PCDHGA1: variants seen among roughly 807,000 people sequenced by gnomAD.
PCDHGA1 encodes the protein protocadherin gamma subfamily A, 1, also known as protocadherin gamma-A1.
A neutral mutation model predicts 58.0 loss-of-function variants in PCDHGA1; 32 were observed. The ratio of observed to expected loss-of-function variants is 0.55; its 90% CI spans 0.42 to 0.74. The LOEUF (loss-of-function observed/expected upper bound fraction) is 0.74. PCDHGA1 is among the 30% of genes least tolerant of loss of function. The pLI is 0.00. For missense variants in PCDHGA1, 1,205 were observed against 1,182.3 expected (o/e 1.02, Z -0.28); for synonymous variants, 498 against 501.1 (o/e 0.99, Z 0.08).
At chr5:141,382,924 G>T (rs768027809) in intron 1 of PCDHGA1, 2 of 1,568,666 alleles carry the variant, frequency 1.3e-6, no homozygotes, top group Non-Finnish European at 1.7e-6. Flanking sequence ...GAGGGGCGGG[G>T]ACTACAGAGG....
In PCDHGA1 at chr5:141,477,101, G is replaced by A. The variant is rs770640663; in HGVS notation, c.2422-17706G>A. On this transcript the variant is annotated intron_variant, in intron 1 of 3. Transcript: ENST00000517417. The surrounding 1 kb of genome is among the most constrained non-coding windows in gnomAD (Gnocchi z 4.9). ...TTACATCCAGGCCAAAGACAAGGGC[G>A]CCAATCCCGAAGGAGCACATTGCAA... 2 of 1,614,262 alleles carry A rather than the reference G, an allele frequency of 1.2e-6. No individual in the cohort carries two copies. Among genetic ancestry groups the A allele is most frequent in the East Asian group, 2.2e-5 (1 of 44,884 alleles).
intron 1 of PCDHGA1, chr5:141,399,997 A>C (rs2093936203): frequency 6.2e-7 from 1 of 1,612,226 alleles, no homozygotes; most frequent in African/African-American, 1.3e-5. Context: ...AGAGGTGCGC[A>C]CAGCGCGTGC....
intron 1 of PCDHGA1, among the ~76,000 whole-genome samples, chr5:141,449,177 G>T (rs2098631167): frequency 6.6e-6 from 1 of 152,028 alleles, no homozygotes. Flanking sequence ...AATTTTCTTA[G>T]GTATTTTCAC....
Position 141,397,948 on chromosome 5 carries a change from C to T in PCDHGA1, c.2421+64843C>T, listed in dbSNP as rs139631080. The T allele has an allele frequency of 7.9e-4, 721 of 913,614 alleles. 6 individuals are homozygous for T. The African/African-American group carries it at 0.01, about 13-fold the overall frequency. The allele number at this position is 913,614 out of a possible 1,614,324, so 56.6% of individuals were successfully genotyped here. On this transcript the variant is annotated intron_variant, in intron 1 of 3. Coordinates refer to ENST00000517417, the MANE Select transcript of PCDHGA1 (RefSeq NM_018912.3). Reference sequence around the variant, plus strand: ...CGCAGCCGCAGCGCGCTTTCCAGGGCAGCCCCAGCTCAGACTCCCCAGCGC... The same window carrying T: ...CGCAGCCGCAGCGCGCTTTCCAGGGTAGCCCCAGCTCAGACTCCCCAGCGC...
chr5:141,372,349 A>G lies in PCDHGA1; in HGVS notation c.2421+39244A>G, dbSNP rs373267938. ...GTCACTGTGCGTGATGGAGGACAGCAGCCTCTTTCAGCCACCGTCATGCTG... is the reference window on the plus strand; with the variant it reads ...GTCACTGTGCGTGATGGAGGACAGCGGCCTCTTTCAGCCACCGTCATGCTG... On this transcript the variant is annotated intron_variant, in intron 1 of 3. Transcript: ENST00000517417. 1.1e-5 allele frequency: 18 copies of G among 1,613,786 alleles called. No individual in the cohort carries two copies. The African/African-American group carries it at 2.4e-4, about 22-fold the overall frequency.
chr5:141,355,816 G>A, intron 1 of PCDHGA1: 5 of 1,613,166 alleles, frequency 3.1e-6, no homozygotes, highest in Non-Finnish European at 4.2e-6. Context: ...CGAGGAAGAG[G>A]CGGTTCACCA....
chr5:141,402,098 C>G (rs2094224797), intron 1 of PCDHGA1, among the ~76,000 whole-genome samples: 1 of 152,048 alleles, frequency 6.6e-6, no homozygotes, highest in Non-Finnish European at 1.5e-5. Context: ...AAAGTTTAAG[C>G]AATTACAAAA....
intron 1 of PCDHGA1, chr5:141,421,183 A>G (rs1286755310): frequency 2.7e-6 from 4 of 1,457,360 alleles, no homozygotes; most frequent in Admixed American, 4.8e-5. Flanking sequence ...CCGATTCACA[A>G]CCAACCAGCT....
At chr5:141,414,679 G>A in intron 1 of PCDHGA1, 1 of 1,613,960 alleles carries the variant, frequency 6.2e-7, no homozygotes. Flanking sequence ...CACCATCCAG[G>A]GGGTACCTCT....
Position 141,476,698 on chromosome 5 carries a change from G to C in PCDHGA1, c.2422-18109G>C, listed in dbSNP as rs2075661. Reference sequence around the variant, plus strand: ...CGCGGGAGGACAGCACCAAGTACGCGGAGCTGGTGTTGGAGCGCGCCCTGG... The same window carrying C: ...CGCGGGAGGACAGCACCAAGTACGCCGAGCTGGTGTTGGAGCGCGCCCTGG... On this transcript the variant is annotated intron_variant, in intron 1 of 3. Transcript: ENST00000517417. The surrounding 1 kb of genome is among the most constrained non-coding windows in gnomAD (Gnocchi z 7.6). The C allele has an allele frequency of 0.2, 326,683 of 1,614,030 alleles. 35,085 individuals carry two copies. Among genetic ancestry groups the C allele is most frequent in the Admixed American group, 0.37 (22,021 of 59,992 alleles).
intron 1 of PCDHGA1, chr5:141,365,732 G>T: frequency 6.2e-7 from 1 of 1,613,694 alleles, no homozygotes; most frequent in Non-Finnish European, 8.5e-7. Context: ...CAATCCCAGA[G>T]GTGTCTCTAT....
At chr5:141,488,478 A>T (rs1251914951) in intron 1 of PCDHGA1, among the ~76,000 whole-genome samples, 5 of 152,072 alleles carry the variant, frequency 3.3e-5, no homozygotes, top group African/African-American at 4.8e-5. Flanking sequence ...ATGTTCCCCT[A>T]CCCAAAAACT....
chr5:141,413,461 C>T, intron 1 of PCDHGA1: 2 of 1,614,082 alleles, frequency 1.2e-6, no homozygotes, highest in Non-Finnish European at 1.7e-6. Context: ...CAGGATAGAC[C>T]GGGAGGAGCT....
chr5:141,445,311 G>A (rs2098463310), intron 1 of PCDHGA1, among the ~76,000 whole-genome samples: 1 of 152,150 alleles, frequency 6.6e-6, no homozygotes, highest in East Asian at 1.9e-4. Flanking sequence ...CAGTTTGTAG[G>A]TTGAGAGAAC....
chr5:141,376,060 G>T lies in PCDHGA1; in HGVS notation c.2421+42955G>T, dbSNP rs375877156. Reference sequence around the variant, plus strand: ...AGCCCCCTCTCTCCGCCACTGTCACGCTCACCGTGGCCGTGGCCGACAGGA... The same window carrying T: ...AGCCCCCTCTCTCCGCCACTGTCACTCTCACCGTGGCCGTGGCCGACAGGA... On this transcript the variant is annotated intron_variant, in intron 1 of 3. Transcript: ENST00000517417. 3.7e-5 allele frequency: 60 copies of T among 1,613,348 alleles called. No homozygotes were observed. The African/African-American group carries it at 7.5e-4, about 20-fold the overall frequency.
intron 1 of PCDHGA1, chr5:141,399,616 C>G (rs777443975): frequency 6.2e-7 from 1 of 1,613,962 alleles, no homozygotes. Flanking sequence ...GCCTCTGGCA[C>G]TGGCCTCTTA....
rs1236074950 is a variant in PCDHGA1 at position 141,489,119 on chromosome 5, C to G, written c.2422-5688C>G. On this transcript the variant is annotated intron_variant, in intron 1 of 3. Transcript: ENST00000517417. This position sits in a 1 kb window ranked among gnomAD's most constrained non-coding sequence, Gnocchi z 4.5. ...GAACTGCTGCAAGCAGGCAAACCTC[C>G]GAGCAGTTTTTAAGAGGCTGGAAGG... The G allele has an allele frequency of 1.5e-6, 1 of 650,358 alleles. No individual in the cohort carries two copies. Among genetic ancestry groups the G allele is most frequent in the Non-Finnish European group, 2.5e-6 (1 of 400,690 alleles). The allele number at this position is 650,358 out of a possible 1,614,324, so 40.3% of individuals were successfully genotyped here. A position where few individuals can be genotyped will look rare whatever the true frequency, so the allele number is the denominator to read the frequency against.
rs550161736 is a variant in PCDHGA1, at chr5:141,427,826, G to T, written c.2422-66981G>T. ...GCGCACAGAGCGGGGTGGTGGTCGCGCAGCGTGCCTTCGACCACGAGCAGC... is the reference window on the plus strand; with the variant it reads ...GCGCACAGAGCGGGGTGGTGGTCGCTCAGCGTGCCTTCGACCACGAGCAGC... On this transcript the variant is annotated intron_variant, in intron 1 of 3. Coordinates refer to ENST00000517417, the MANE Select transcript of PCDHGA1 (RefSeq NM_018912.3). The T allele has an allele frequency of 2.6e-6, 4 of 1,536,502 alleles. No individual in the cohort carries two copies. The East Asian group carries it at 6.8e-5, about 26-fold the overall frequency.
chr5:141,421,617 C>T, intron 1 of PCDHGA1: 3 of 1,613,768 alleles, frequency 1.9e-6, no homozygotes, highest in African/African-American at 1.3e-5. Context: ...TTAATGATAA[C>T]GCCCCCAGCT....
Sources: gnomAD v4.1 joint callset for allele counts (sites outside exome capture counted in the v4.1 genomes callset) on GRCh38, gnomAD v4.1.1 for gene constraint, Gnocchi (gnomAD v3.1) non-coding constraint, MANE v1.5 for transcripts, NCBI Gene and HGNC (gene_info 2026-07-23, HGNC 2026-07-21) for gene names.